RASSF3: variants seen among roughly 807,000 people sequenced by gnomAD.
RASSF3 encodes the protein Ras association domain family member 3.
Under a neutral mutation model 19.9 loss-of-function variants are expected in RASSF3, and 19 were observed. The ratio of observed to expected loss-of-function variants is 0.96; its 90% CI spans 0.67 to 1.40. RASSF3 has a LOEUF of 1.40. RASSF3 is among the 40% of genes most tolerant of loss of function. The pLI, the probability that RASSF3 is intolerant of heterozygous loss-of-function variation, is 0.00. For missense variants in RASSF3, 306 were observed against 289.8 expected, an observed-to-expected ratio of 1.06 and a Z score of -0.41; for synonymous variants, 110 against 104.2, an observed-to-expected ratio of 1.06 and a Z score of -0.34.
intron 1 of RASSF3, among the ~76,000 whole-genome samples, chr12:64,657,944 G>A (rs1263210180): frequency 6.6e-6 from 1 of 152,134 alleles, no homozygotes; most frequent in Non-Finnish European, 1.5e-5. Flanking sequence ...AGACATGGTG[G>A]TGCAGGCTGA....
upstream of RASSF3, among the ~76,000 whole-genome samples, chr12:64,606,801 T>A (rs1231833594): frequency 1.3e-5 from 2 of 151,856 alleles, no homozygotes. Flanking sequence ...GGTGACAGAG[T>A]GAGACTGCGT....
intron 1 of RASSF3, among the ~76,000 whole-genome samples, chr12:64,670,370 G>GTTTTTTTTTTTTTT (rs113065463): frequency 7.0e-6 from 1 of 143,700 alleles, no homozygotes; most frequent in Non-Finnish European, 1.5e-5. Flanking sequence ...AGATTTTACT[G>GTTTTTTTTTTTTTT]TTTTTTTTTT....
At chr12:64,616,359 G>A (rs1019063018) in intron 1 of RASSF3, among the ~76,000 whole-genome samples, 19 of 152,110 alleles carry the variant, frequency 1.2e-4, no homozygotes, top group African/African-American at 4.3e-4. Flanking sequence ...ACTTCCTTTG[G>A]CAGTCAGTGC....
At chr12:64,554,955 T>G (rs901772144) in intron 2 of RASSF3, among the ~76,000 whole-genome samples, 1 of 151,938 alleles carries the variant, frequency 6.6e-6, no homozygotes, top group Admixed American at 6.6e-5. Flanking sequence ...TGAAAAAAAA[T>G]TTTTTAGGCC....
chr12:64,555,158 C>T (rs1488404524), intron 2 of RASSF3, among the ~76,000 whole-genome samples: 2 of 151,438 alleles, frequency 1.3e-5, no homozygotes, highest in Admixed American at 6.6e-5. Flanking sequence ...GTGGGGGAAT[C>T]GCTTGAACCC....
chr12:64,600,078 A>C (rs1343927245), intron 2 of RASSF3, among the ~76,000 whole-genome samples: 2 of 151,754 alleles, frequency 1.3e-5, no homozygotes, highest in East Asian at 3.9e-4. Context: ...ATACACAGTA[A>C]GAGGTCAAAA....
At chr12:64,626,953 A>G (rs1311996021) in intron 1 of RASSF3, among the ~76,000 whole-genome samples, 1 of 152,200 alleles carries the variant, frequency 6.6e-6, no homozygotes, top group Non-Finnish European at 1.5e-5. Context: ...TTGGGAGACT[A>G]TTTTAATTTT....
intron 2 of RASSF3, among the ~76,000 whole-genome samples, chr12:64,686,619 G>A (rs1207866666): frequency 1.3e-5 from 2 of 151,070 alleles, no homozygotes; most frequent in African/African-American, 4.9e-5. Context: ...TCAAAAAAAA[G>A]AGTTCAAGGC....
At chr12:64,644,932 A>T (rs944691401) in intron 1 of RASSF3, among the ~76,000 whole-genome samples, 5 of 152,062 alleles carry the variant, frequency 3.3e-5, no homozygotes, top group Non-Finnish European at 5.9e-5. Flanking sequence ...AAATTAGCTT[A>T]GCATGGTGCC....
Position 64,580,245 on chromosome 12 carries a change from T to C in RASSF3, c.294+38540T>C, listed in dbSNP as rs1433043790. 3.9e-5 allele frequency among the ~76,000 whole-genome samples: 6 copies of C among 152,174 alleles called. No homozygotes were observed. The East Asian group carries it at 1.2e-3, about 29-fold the overall frequency. On this transcript the variant is annotated intron_variant, in intron 2 of 5. Coordinates refer to the RASSF3 transcript ENST00000637125. ...CACACTTTGGATTACAACCCATTAG[T>C]AGATTATGAAACCAGTGAACTGAGT...
downstream of RASSF3, among the ~76,000 whole-genome samples, chr12:64,545,590 G>A (rs557680450): frequency 6.6e-6 from 1 of 152,272 alleles, no homozygotes; most frequent in South Asian, 2.1e-4. Context: ...AATGGGTTGA[G>A]CATAAAATTA....
At chr12:64,668,584 T>C (rs544476140) in intron 1 of RASSF3, among the ~76,000 whole-genome samples, 1 of 152,222 alleles carries the variant, frequency 6.6e-6, no homozygotes, top group Admixed American at 6.5e-5. Context: ...CGTTGTTCTT[T>C]CTTTTAATCA....
At position 64,598,290 on chromosome 12, in the gene RASSF3, T is replaced by G. The variant is rs73319624; in HGVS notation, c.294+56585T>G. On this transcript the variant is annotated intron_variant, in intron 2 of 5. Transcript: ENST00000637125. ...ACACATTCTTCACAGGTTTATTGAT[T>G]GGGTAATCACAGTCTGTTATCATTA... 3.9e-5 allele frequency among the ~76,000 whole-genome samples: 6 copies of G among 152,332 alleles called. No individual in the cohort carries two copies. The South Asian group carries it at 1.2e-3, about 32-fold the overall frequency.
chr12:64,602,765 AC>A (rs1870116972), intron 2 of RASSF3, among the ~76,000 whole-genome samples: 1 of 152,042 alleles, frequency 6.6e-6, no homozygotes, highest in Non-Finnish European at 1.5e-5. Flanking sequence ...AGAAAGCCTC[AC>A]AACTAAAGAA....
upstream of RASSF3, among the ~76,000 whole-genome samples, chr12:64,529,724 G>A (rs996517089): frequency 6.6e-6 from 1 of 152,048 alleles, no homozygotes; most frequent in African/African-American, 2.4e-5. Context: ...CCTATCTATT[G>A]AGATAGATTT....
intron 1 of RASSF3, among the ~76,000 whole-genome samples, chr12:64,626,759 C>T (rs1010992086): frequency 6.6e-6 from 1 of 152,084 alleles, no homozygotes; most frequent in Non-Finnish European, 1.5e-5. Context: ...GAAATGGGGT[C>T]TTGCTGTGTT....
chr12:64,650,123 A>G (rs974973816), intron 1 of RASSF3, among the ~76,000 whole-genome samples: 2 of 152,234 alleles, frequency 1.3e-5, no homozygotes, highest in Admixed American at 6.5e-5. Context: ...TTGCAGGGGC[A>G]GGGACAGGGG....
At chr12:64,589,450 A>G (rs1869877843) in intron 2 of RASSF3, among the ~76,000 whole-genome samples, 1 of 152,080 alleles carries the variant, frequency 6.6e-6, no homozygotes, top group South Asian at 2.1e-4. Context: ...ACCCTGTCTC[A>G]AAAAATAAAA....
At chr12:64,626,465 G>A (rs941438149) in intron 1 of RASSF3, among the ~76,000 whole-genome samples, 2 of 137,848 alleles carry the variant, frequency 1.5e-5, no homozygotes, top group African/African-American at 5.6e-5. Context: ...TCCAGCCTGG[G>A]CAACAGAGTG....
Sources: gnomAD v4.1 joint callset for allele counts (sites outside exome capture counted in the v4.1 genomes callset) on GRCh38, gnomAD v4.1.1 for gene constraint, MANE v1.5 for transcripts, NCBI Gene and HGNC (gene_info 2026-07-23, HGNC 2026-07-21) for gene names.